ZNF541: variants seen among roughly 807,000 people sequenced by gnomAD.
The protein encoded by ZNF541 is zinc finger protein 541.
Under a neutral mutation model 123.5 loss-of-function variants are expected in ZNF541, and 23 were observed. The ratio of observed to expected loss-of-function variants is 0.19; its 90% CI spans 0.13 to 0.26. ZNF541 has a LOEUF of 0.26. ZNF541 is among the 10% of genes least tolerant of loss of function. The probability of loss-of-function intolerance (pLI) is 1.00; values close to 1 mark genes in which losing one functional copy is unlikely to be tolerated. For synonymous variants in ZNF541, 751 were observed against 754.5 expected (o/e 1.00, Z 0.08); for missense variants, 1,612 against 1,789.9 (o/e 0.90, Z 1.79).
chr19:47,569,187 A>G (rs1971382309), intron 2 of ZNF541, among the ~76,000 whole-genome samples: 1 of 152,044 alleles, frequency 6.6e-6, no homozygotes, highest in South Asian at 2.1e-4. Context: ...GAAAGGGCTT[A>G]TGGTCTCCAG....
rs1158973859 is a variant in ZNF541 at position 47,538,714 on chromosome 19, AAG to A, written c.2797-277_2797-276del. 2.0e-5 allele frequency among the ~76,000 whole-genome samples: 3 copies of A among 152,202 alleles called. No individual in the cohort carries two copies. In the East Asian group the frequency reaches 5.8e-4, roughly 29 times the overall value. On this transcript the variant is annotated intron_variant, in intron 8 of 16. Coordinates refer to ENST00000391901, the MANE Select transcript of ZNF541 (RefSeq NM_001277075.3). ...ATCATTAAGATGACTGGCCCTTAAA[AAG>A]AGAGAGATCCCCAGAGATACAGTGT...
Position 47,545,206 on chromosome 19 carries a change from C to T in ZNF541, c.1323G>A (p.Ser441=), listed in dbSNP as rs1386507496. 7 of 1,528,784 alleles carry T rather than the reference C, an allele frequency of 4.6e-6. No homozygotes were observed. Among genetic ancestry groups the T allele is most frequent in the East Asian group, 2.5e-5 (1 of 40,516 alleles). 94.7% of individuals were successfully genotyped at this position (1,528,784 alleles called of 1,614,324 possible). ...FVVHKPSAVP[S]REGSESGPGP... Reference sequence around the variant, plus strand: ...CCGGGCCAGACTCGGAGCCCTCCCGCGAGGGCACGGCCGAGGGCTTGTGGA... The same window carrying T: ...CCGGGCCAGACTCGGAGCCCTCCCGTGAGGGCACGGCCGAGGGCTTGTGGA... Residue 441 remains serine, a synonymous_variant, in exon 5 of 17, where the codon TCG becomes TCA. Transcript: ENST00000391901. The surrounding 1 kb of genome is among the most constrained non-coding windows in gnomAD (Gnocchi z 7.5).
Position 47,545,983 on chromosome 19 carries a change from G to A in ZNF541, c.549-3C>T. On this transcript the variant is annotated splice_region_variant and splice_polypyrimidine_tract_variant and intron_variant, in intron 4 of 16. Coordinates refer to ENST00000391901, the MANE Select transcript of ZNF541 (RefSeq NM_001277075.3). The surrounding 1 kb of genome is among the most constrained non-coding windows in gnomAD (Gnocchi z 7.5). ...GGTGGGTGAGCATGTGCCCGGTCCT[G>A]GAGCCAGACACAAGCAGGGGCGTCA... 1.4e-6 allele frequency: 2 copies of A among 1,461,166 alleles called. No homozygotes were observed. Among genetic ancestry groups the A allele is most frequent in the South Asian group, 2.8e-5 (2 of 70,646 alleles). 90.5% of individuals were successfully genotyped at this position (1,461,166 alleles called of 1,614,324 possible). A position where few individuals can be genotyped will look rare whatever the true frequency, so the allele number is the denominator to read the frequency against.
At position 47,532,939 on chromosome 19, in the gene ZNF541, A is replaced by G. The variant is rs1311819162; in HGVS notation, c.3128T>C (p.Val1043Ala). The G allele has an allele frequency of 3.2e-6, 5 of 1,550,480 alleles. No individual in the cohort carries two copies. In the African/African-American group the frequency reaches 6.9e-5, roughly 21 times the overall value. The change falls in exon 10 of 17, where the codon GTG becomes GCG. Residue 1043 changes from valine to alanine, a missense_variant. Around this residue, in one of 5 missense-constraint regions of ZNF541, gnomAD observed 285 missense variants for 407.3 expected, o/e 0.70. Coordinates refer to ENST00000391901, the MANE Select transcript of ZNF541 (RefSeq NM_001277075.3). The part of the protein sequence containing the change: ...QVDGSFGICV[V>A]KDDTKISIEP... Reference sequence around the variant, plus strand: ...AATGCTGATTTTGGTGTCATCCTTCACCACACAGATGCCAAAGGACCCATC... The same window carrying G: ...AATGCTGATTTTGGTGTCATCCTTCGCCACACAGATGCCAAAGGACCCATC...
chr19:47,537,490 G>T (rs976212722), intron 9 of ZNF541, among the ~76,000 whole-genome samples: 5 of 151,558 alleles, frequency 3.3e-5, no homozygotes, highest in African/African-American at 1.2e-4. Flanking sequence ...CTTGAACTTG[G>T]GAGTTGGAGG....
chr19:47,544,097 G>A, intron 5 of ZNF541, 29 bp downstream of exon 5: 2 of 1,521,358 alleles, frequency 1.3e-6, no homozygotes, highest in Non-Finnish European at 1.8e-6. Context: ...ACTCCACTCT[G>A]GTCAGGCCAC....
Position 47,545,566 on chromosome 19 carries a change from G to T in ZNF541, c.963C>A (p.Ala321=). 6.5e-7 allele frequency: 1 copy of T among 1,542,044 alleles called. No individual in the cohort carries two copies. Among genetic ancestry groups the T allele is most frequent in the Non-Finnish European group, 8.8e-7 (1 of 1,141,100 alleles). Residue 321 remains alanine, a synonymous_variant, in exon 5 of 17, where the codon GCC becomes GCA. Coordinates refer to ENST00000391901, the MANE Select transcript of ZNF541 (RefSeq NM_001277075.3). This position sits in a 1 kb window ranked among gnomAD's most constrained non-coding sequence, Gnocchi z 7.5. The part of the protein sequence containing the change: ...ASSGSSSCTP[A]GPHAAPAALD... ...GCGCTGCTGGGGCCGCGTGGGGGCC[G>T]GCTGGGGTGCAGGACGAGGACCCCG...
At chr19:47,569,960 T>A (rs1490698135) in intron 2 of ZNF541, among the ~76,000 whole-genome samples, 1 of 152,030 alleles carries the variant, frequency 6.6e-6, no homozygotes, top group Non-Finnish European at 1.5e-5. Flanking sequence ...AACCAATAAC[T>A]AATTTTAACC....
Position 47,529,007 on chromosome 19 carries a change from C to T in ZNF541, c.3513G>A (p.Arg1171=). The T allele has an allele frequency of 1.3e-6, 2 of 1,551,598 alleles. No homozygotes were observed. The highest frequency in any genetic ancestry group is 1.7e-6 in the Non-Finnish European group (2 of 1,146,968). ...GGGCATAGAACGCCTTCTTAAAAAGCCTCTTCTCTATAGGGGTCCAGACGT... is the reference window on the plus strand; with the variant it reads ...GGGCATAGAACGCCTTCTTAAAAAGTCTCTTCTCTATAGGGGTCCAGACGT... ...GSDVWTPIEK[R]LFKKAFYAHK... The change falls in exon 14 of 17, where the codon AGG becomes AGA. Residue 1171 remains arginine, a synonymous_variant. Transcript: ENST00000391901.
At chr19:47,539,489 A>G (rs1330709298) in intron 8 of ZNF541, among the ~76,000 whole-genome samples, 1 of 151,824 alleles carries the variant, frequency 6.6e-6, no homozygotes, top group Non-Finnish European at 1.5e-5. Flanking sequence ...TTTAGTAGAC[A>G]CAGGGTTTCA....
At chr19:47,556,848 C>T (rs1203900109) in intron 2 of ZNF541, among the ~76,000 whole-genome samples, 1 of 150,480 alleles carries the variant, frequency 6.6e-6, no homozygotes, top group Non-Finnish European at 1.5e-5. Context: ...ACCTCTGCCT[C>T]CCAGGTTCAA....
At chr19:47,538,049 C>T in intron 9 of ZNF541, 93 bp downstream of exon 9, 1 of 1,420,060 alleles carries the variant, frequency 7.0e-7, no homozygotes, top group South Asian at 1.3e-5. Context: ...AGGCAGGAGA[C>T]AATCACTGAA....
At chr19:47,532,347 A>G (rs1018573048) in intron 10 of ZNF541, 77 bp from the exon 11 acceptor site, 16 of 1,498,116 alleles carry the variant, frequency 1.1e-5, no homozygotes, top group Non-Finnish European at 1.4e-5. Flanking sequence ...GACGCTCTGT[A>G]TGCCCTGCTC....
chr19:47,552,184 A>G (rs1970626736), intron 3 of ZNF541, among the ~76,000 whole-genome samples: 1 of 152,164 alleles, frequency 6.6e-6, no homozygotes, highest in Non-Finnish European at 1.5e-5. Context: ...TGGAAATAAT[A>G]ATTTATCAGG....
intron 4 of ZNF541, among the ~76,000 whole-genome samples, chr19:47,546,210 A>T (rs1970350833): frequency 6.6e-6 from 1 of 151,620 alleles, no homozygotes; most frequent in African/African-American, 2.4e-5. Context: ...GAAAAGTAAA[A>T]AAAAAAAAAA....
At chr19:47,540,451 T>G in intron 6 of ZNF541, 116 bp from the exon 7 acceptor site, 1 of 1,193,914 alleles carries the variant, frequency 8.4e-7, no homozygotes, top group Admixed American at 3.0e-5. Flanking sequence ...ACTTTTTTTT[T>G]TTTTTGGAGA....
chr19:47,531,893 C>T (rs546172199), intron 11 of ZNF541, 148 bp from the exon 12 acceptor site: 2 of 908,506 alleles, frequency 2.2e-6, no homozygotes, highest in African/African-American at 3.4e-5. Context: ...AGAGCAGAAC[C>T]CTGTCCCCAG....
chr19:47,572,730 C>A (rs539300506), intron 1 of ZNF541, among the ~76,000 whole-genome samples: 1 of 107,312 alleles, frequency 9.3e-6, no homozygotes, highest in African/African-American at 3.8e-5. Context: ...GCCCGCGGCG[C>A]GAGCTGGGGG....
rs1452358558 is a variant in ZNF541, at chr19:47,545,571, G to C, written c.958C>G (p.Pro320Ala). ...PASSGSSSCT[P>A]AGPHAAPAAL... is the part of the protein sequence containing the mutation. The stretch of plus-strand genomic sequence containing the variant: ...GCTGGGGCCGCGTGGGGGCCGGCTG[G>C]GGTGCAGGACGAGGACCCCGATGAG... Residue 320 changes from proline to alanine, a missense_variant, in exon 5 of 17, where the codon CCA becomes GCA. Pro to Ala is a conservative substitution (Grantham distance 27). Transcript: ENST00000391901. The surrounding 1 kb of genome is among the most constrained non-coding windows in gnomAD (Gnocchi z 7.5). The C allele has an allele frequency of 6.5e-7, 1 of 1,543,554 alleles. No individual in the cohort carries two copies. Among genetic ancestry groups the C allele is most frequent in the South Asian group, 1.2e-5 (1 of 83,546 alleles).
Sources: allele counts gnomAD v4.1 joint callset (sites outside exome capture counted in the v4.1 genomes callset), GRCh38; gene constraint gnomAD v4.1.1; regional missense constraint gnomAD v4.1.1; non-coding constraint Gnocchi (gnomAD v3.1); transcripts MANE v1.5; gene names NCBI Gene and HGNC (gene_info 2026-07-23, HGNC 2026-07-21).